The following ADSS1 variants were observed in gnomAD, a reference collection of about 807,000 sequenced individuals.
The protein encoded by ADSS1 is adenylosuccinate synthetase isozyme 1.
A neutral mutation model predicts 59.1 loss-of-function variants in ADSS1; 57 were observed. The ratio of observed to expected loss-of-function variants is 0.97; its 90% confidence interval spans 0.78 to 1.20. The LOEUF (loss-of-function observed/expected upper bound fraction) is 1.20. ADSS1 is among the 50% of genes most tolerant of loss of function. The probability of loss-of-function intolerance (pLI) is 0.00; values close to 1 mark genes in which losing one functional copy is unlikely to be tolerated. For missense variants in ADSS1, 603 were observed against 610.3 expected, an observed-to-expected ratio of 0.99 and a Z score of 0.13; for synonymous variants, 247 against 249.4, an observed-to-expected ratio of 0.99 and a Z score of 0.09.
intron 1 of ADSS1, among the ~76,000 whole-genome samples, chr14:104,730,554 TATAG>T (rs917176070): frequency 1.3e-5 from 2 of 152,282 alleles, no homozygotes; most frequent in South Asian, 2.1e-4. Flanking sequence ...CCCTGGAGAC[TATAG>T]ATAGATAGAT....
intron 1 of ADSS1, among the ~76,000 whole-genome samples, chr14:104,728,740 C>G (rs998634446): frequency 1.3e-5 from 2 of 152,224 alleles, no homozygotes; most frequent in African/African-American, 4.8e-5. Context: ...GCTTGCCACT[C>G]TGCTGCCTTC....
chr14:104,731,504 T>C (rs1003687098), intron 1 of ADSS1, among the ~76,000 whole-genome samples: 4 of 152,178 alleles, frequency 2.6e-5, no homozygotes, highest in Non-Finnish European at 4.4e-5. Context: ...CTTAGGTAAA[T>C]GCAGGACTCT....
At chr14:104,732,158 T>TG (rs1350534519) in intron 1 of ADSS1, among the ~76,000 whole-genome samples, 3 of 152,178 alleles carry the variant, frequency 2.0e-5, no homozygotes, top group African/African-American at 7.2e-5. Context: ...TGGTCAGCCT[T>TG]GGCTGGTGGC....
intron 1 of ADSS1, among the ~76,000 whole-genome samples, chr14:104,725,490 G>A (rs1238134171): frequency 1.3e-5 from 2 of 151,452 alleles, no homozygotes; most frequent in Non-Finnish European, 1.5e-5. Flanking sequence ...GACGAAGGGA[G>A]TCAGCCCAGC....
At chr14:104,726,676 C>T (rs539866394) in intron 1 of ADSS1, among the ~76,000 whole-genome samples, 3 of 152,306 alleles carry the variant, frequency 2.0e-5, no homozygotes, top group African/African-American at 4.8e-5. Context: ...TGAAGGTACC[C>T]GACATGGGGG....
At chr14:104,728,117 T>C (rs1004789116) in intron 1 of ADSS1, among the ~76,000 whole-genome samples, 3 of 152,158 alleles carry the variant, frequency 2.0e-5, no homozygotes, top group Non-Finnish European at 2.9e-5. Context: ...ATCCTGTGCA[T>C]TGAGGGCCCC....
At chr14:104,734,471 C>T (rs1891044508) in intron 1 of ADSS1, among the ~76,000 whole-genome samples, 1 of 152,254 alleles carries the variant, frequency 6.6e-6, no homozygotes. Context: ...GGAGCCTGCA[C>T]ATGCTAGTCC....
chr14:104,735,775 C>T (rs1891097626), intron 2 of ADSS1, among the ~76,000 whole-genome samples: 1 of 152,164 alleles, frequency 6.6e-6, no homozygotes, highest in Non-Finnish European at 1.5e-5. Flanking sequence ...CCCCAGGGTT[C>T]CGTGGCTCTT....
At chr14:104,726,449 T>C (rs1318555116) in intron 1 of ADSS1, among the ~76,000 whole-genome samples, 1 of 152,180 alleles carries the variant, frequency 6.6e-6, no homozygotes, top group Non-Finnish European at 1.5e-5. Context: ...AGCCCCAGGC[T>C]CTCTGCAAGT....
intron 2 of ADSS1, chr14:104,737,067 A>G (rs1012539487): frequency 2.6e-5 from 4 of 151,914 alleles, no homozygotes; most frequent in African/African-American, 7.2e-5. Flanking sequence ...ATTTGTGACA[A>G]TCGATGAACC....
chr14:104,743,010 C>T, intron 9 of ADSS1, 57 bp from the exon 10 acceptor site: 2 of 1,603,924 alleles, frequency 1.2e-6, no homozygotes, highest in Non-Finnish European at 8.5e-7. Context: ...GCAGCAGGGC[C>T]AGGCTGCACA....
At chr14:104,730,154 C>A in intron 1 of ADSS1, 1 of 1,543,154 alleles carries the variant, frequency 6.5e-7, no homozygotes, top group South Asian at 1.2e-5. Flanking sequence ...TGCAGGAGGC[C>A]ACACCTGCCT....
chr14:104,725,621 A>G (rs544216219), intron 1 of ADSS1, among the ~76,000 whole-genome samples: 3 of 152,244 alleles, frequency 2.0e-5, no homozygotes, highest in Admixed American at 2.0e-4. Flanking sequence ...AGCAGCAGGC[A>G]AGCACATCCC....
chr14:104,741,154 G>C lies in ADSS1; in HGVS notation c.704G>C (p.Gly235Ala), dbSNP rs1363462218. Residue 235 changes from glycine (G) to alanine (A), a missense_variant, in exon 8 of 13, where the codon GGT becomes GCT. Gly to Ala is a moderately conservative substitution (Grantham distance 60, BLOSUM62 0). Coordinates refer to ENST00000330877, the MANE Select transcript of ADSS1 (RefSeq NM_152328.5). ...CGGATCAGACCCATGGTCCGAGATG[G>C]TGTTTACTTTATGTATGAGGCACTC... is the stretch of plus-strand genomic sequence containing the variant. Reference protein sequence around the residue: ...AERIRPMVRDGVYFMYEALHG... With the variant: ...AERIRPMVRDAVYFMYEALHG... 6.2e-7 allele frequency: 1 copy of C among 1,611,566 alleles called. No homozygotes were observed.
rs772627875 is a variant in ADSS1 at position 104,747,167 on chromosome 14, A to AT, written c.*166dup. 2.7e-5 allele frequency: 16 copies of AT among 593,934 alleles called. No individual in the cohort carries two copies. The highest frequency in any genetic ancestry group is 4.4e-5 in the Non-Finnish European group (16 of 360,046). 36.8% of individuals were successfully genotyped at this position (593,934 alleles called of 1,614,324 possible). On this transcript the variant is annotated 3_prime_UTR_variant, in exon 13 of 13. Transcript: ENST00000330877. ...GTTGGTTTCTACAATGATTTTAAACATTGGAAAGCCAGCCTTGTGTATATT... is the reference window on the plus strand; with the variant it reads ...GTTGGTTTCTACAATGATTTTAAACATTTGGAAAGCCAGCCTTGTGTATATT...
Position 104,747,067 on chromosome 14 carries a change from C to A in ADSS1, c.*64C>A. On this transcript the variant is annotated 3_prime_UTR_variant, in exon 13 of 13. Coordinates refer to ENST00000330877, the MANE Select transcript of ADSS1 (RefSeq NM_152328.5). ...CTGGACTTGTGTAAACAGCAGCAGT[C>A]ACGTTCCTCGGCCGCCACAACCAAC... The A allele has an allele frequency of 6.8e-7, 1 of 1,468,528 alleles. No homozygotes were observed. Among genetic ancestry groups the A allele is most frequent in the Non-Finnish European group, 9.3e-7 (1 of 1,072,576 alleles). 91.0% of individuals were successfully genotyped at this position (1,468,528 alleles called of 1,614,324 possible). A position where few individuals can be genotyped will look rare whatever the true frequency, so the allele number is the denominator to read the frequency against.
chr14:104,733,903 TC>T (rs1179246969), intron 1 of ADSS1, among the ~76,000 whole-genome samples: 6 of 152,118 alleles, frequency 3.9e-5, no homozygotes, highest in African/African-American at 1.4e-4. Context: ...CCCCATGCCA[TC>T]CAGTGGCTGG....
chr14:104,738,109 G>T (rs1029950851), intron 2 of ADSS1: 31 of 288,484 alleles, frequency 1.1e-4, no homozygotes, highest in Non-Finnish European at 1.9e-4. Context: ...CGATTCTCCT[G>T]CCTCAGCCTC....
chr14:104,728,977 G>A (rs1322806223), intron 1 of ADSS1, among the ~76,000 whole-genome samples: 1 of 152,244 alleles, frequency 6.6e-6, no homozygotes, highest in Non-Finnish European at 1.5e-5. Flanking sequence ...TGGCGTTGAG[G>A]CACGGCGCCG....
Sources: allele counts gnomAD v4.1 joint callset (sites outside exome capture counted in the v4.1 genomes callset), GRCh38; gene constraint gnomAD v4.1.1; transcripts MANE v1.5; gene names NCBI Gene and HGNC (gene_info 2026-07-23, HGNC 2026-07-21).